Variants in LGSN observed in about 807,000 individuals in gnomAD.
The protein encoded by LGSN is lengsin.
In LGSN, 21 loss-of-function variants were observed where a neutral mutation model predicts 19.5. That is an observed-to-expected ratio of 1.07 (90% CI 0.76 to 1.55). The LOEUF (loss-of-function observed/expected upper bound fraction) is 1.55, where lower values mean the gene tolerates loss of function less well. Ranked by LOEUF, LGSN falls within the 40% of genes most tolerant of loss-of-function variation. The pLI, the probability that LGSN is intolerant of heterozygous loss-of-function variation, is 0.00. For synonymous variants in LGSN, 257 were observed against 215.6 expected (o/e 1.19, Z -1.68); for missense variants, 673 against 608.5 (o/e 1.11, Z -1.12).
chr6:63,412,746 A>AGAAAGGAAGGGAAGGAAGGAAGGAAG, the LGSN span, among the ~76,000 whole-genome samples: 5 of 86,744 alleles, frequency 5.8e-5, no homozygotes, highest in African/African-American at 3.1e-4. Flanking sequence ...AAAGAAAGAA[A>AGAAAGGAAGGGAAGGAAGGAAGGAAG]GAAAGAAAGA....
At chr6:63,541,485 A>G in the LGSN span, among the ~76,000 whole-genome samples, 2 of 151,618 alleles carry the variant, frequency 1.3e-5, no homozygotes, top group Non-Finnish European at 2.9e-5. Flanking sequence ...CCCCGGAGGC[A>G]GAGGTTGCAG....
the LGSN span, among the ~76,000 whole-genome samples, chr6:63,361,428 G>C: frequency 1.3e-5 from 2 of 152,156 alleles, no homozygotes; most frequent in East Asian, 3.9e-4. Flanking sequence ...GATGAGCAAG[G>C]CTCCGTGGGT....
the LGSN span, among the ~76,000 whole-genome samples, chr6:63,432,179 G>GAAAGAAAGGGAAAGAAAGAAAAGA: frequency 2.0e-4 from 23 of 113,648 alleles, no homozygotes; most frequent in South Asian, 1.2e-3. Context: ...GAAAAGGAAA[G>GAAAGAAAGGGAAAGAAAGAAAAGA]AAAGAAAAGA....
At chr6:63,501,559 C>T in the LGSN span, among the ~76,000 whole-genome samples, 3 of 151,810 alleles carry the variant, frequency 2.0e-5, no homozygotes, top group Non-Finnish European at 4.4e-5. Flanking sequence ...CATTAGACAA[C>T]AGCCCTGAAA....
chr6:63,295,972 C>T (rs530666993), intron 1 of LGSN, among the ~76,000 whole-genome samples: 2 of 152,104 alleles, frequency 1.3e-5, no homozygotes, highest in Non-Finnish European at 2.9e-5. Flanking sequence ...ACACTTTGAG[C>T]TTAGTATCTT....
At chr6:63,412,759 GAA>G in the LGSN span, among the ~76,000 whole-genome samples, 48 of 28,504 alleles carry the variant, frequency 1.7e-3, 5 homozygotes, top group African/African-American at 0.014. Flanking sequence ...AAGAAAGAAA[GAA>G]AGAAAGAAAG....
chr6:63,544,533 C>A, the LGSN span, among the ~76,000 whole-genome samples: 1 of 151,996 alleles, frequency 6.6e-6, no homozygotes, highest in South Asian at 2.1e-4. Flanking sequence ...ATCTAGTTGT[C>A]GAAGTAACAT....
the LGSN span, among the ~76,000 whole-genome samples, chr6:63,406,119 A>T: frequency 6.6e-6 from 1 of 152,094 alleles, no homozygotes. Flanking sequence ...ACAGATCAAC[A>T]AGGCAGAAAG....
At chr6:63,432,469 A>G in the LGSN span, among the ~76,000 whole-genome samples, 3 of 151,834 alleles carry the variant, frequency 2.0e-5, no homozygotes, top group Non-Finnish European at 4.4e-5. Flanking sequence ...AGGCAGGTGG[A>G]TCACCAGATC....
At chr6:63,408,901 G>T in the LGSN span, among the ~76,000 whole-genome samples, 1 of 152,118 alleles carries the variant, frequency 6.6e-6, no homozygotes, top group Non-Finnish European at 1.5e-5. Context: ...TCAGGATTAA[G>T]TATTTTTAAA....
At chr6:63,525,798 C>A in the LGSN span, among the ~76,000 whole-genome samples, 10 of 152,328 alleles carry the variant, frequency 6.6e-5, no homozygotes, top group East Asian at 1.5e-3. Flanking sequence ...ATCTATATAA[C>A]TAAATTTCCC....
chr6:63,398,443 G>T, the LGSN span, among the ~76,000 whole-genome samples: 250 of 152,004 alleles, frequency 1.6e-3, no homozygotes, highest in Admixed American at 2.8e-3. Context: ...TAACAAAAAT[G>T]CCTTAAAAGT....
At chr6:63,355,379 G>A in the LGSN span, among the ~76,000 whole-genome samples, 26 of 152,204 alleles carry the variant, frequency 1.7e-4, no homozygotes, top group Non-Finnish European at 3.2e-4. Flanking sequence ...TTTCCTCATG[G>A]TAATTAGTCT....
the LGSN span, among the ~76,000 whole-genome samples, chr6:63,505,565 A>AAAAAAGAAAGAAAGAGAAAGAAAG: frequency 3.4e-5 from 2 of 58,648 alleles, no homozygotes; most frequent in South Asian, 6.7e-4. Flanking sequence ...AAAAAAAAAA[A>AAAAAAGAAAGAAAGAGAAAGAAAG]AAAGAAAGAA....
At chr6:63,485,123 T>C in the LGSN span, among the ~76,000 whole-genome samples, 3 of 152,136 alleles carry the variant, frequency 2.0e-5, no homozygotes, top group Non-Finnish European at 4.4e-5. Flanking sequence ...TACAGATTAT[T>C]TCATCACCCA....
the LGSN span, among the ~76,000 whole-genome samples, chr6:63,330,914 C>T: frequency 6.6e-6 from 1 of 152,166 alleles, no homozygotes; most frequent in East Asian, 1.9e-4. Context: ...CAAAGGTTTG[C>T]CCTAGACCCT....
At chr6:63,290,949 C>T (rs1307739592) in intron 2 of LGSN, among the ~76,000 whole-genome samples, 1 of 152,198 alleles carries the variant, frequency 6.6e-6, no homozygotes, top group Admixed American at 6.5e-5. Flanking sequence ...TTTGTATCAA[C>T]AGCCGCCTGA....
At chr6:63,432,179 G>GAAAGGGAAAGAAAGA in the LGSN span, among the ~76,000 whole-genome samples, 16 of 113,648 alleles carry the variant, frequency 1.4e-4, no homozygotes, top group African/African-American at 3.0e-4. Flanking sequence ...GAAAAGGAAA[G>GAAAGGGAAAGAAAGA]AAAGAAAAGA....
chr6:63,549,503 C>T, the LGSN span: 18 of 748,178 alleles, frequency 2.4e-5, no homozygotes, highest in African/African-American at 5.2e-5. Flanking sequence ...TCTTTCCTTT[C>T]GGCAGGAGGA....
Sources: allele counts gnomAD v4.1 joint callset (sites outside exome capture counted in the v4.1 genomes callset), GRCh38; gene constraint gnomAD v4.1.1; transcripts MANE v1.5; gene names NCBI Gene and HGNC (gene_info 2026-07-23, HGNC 2026-07-21).